The following PRLR variants were observed in gnomAD, a reference collection of about 807,000 sequenced individuals.
PRLR encodes the protein hPRL receptor.
Under a neutral mutation model 40.2 loss-of-function variants are expected in PRLR, and 13 were observed. The ratio of observed to expected loss-of-function variants is 0.32; its 90% CI spans 0.21 to 0.51. The LOEUF (loss-of-function observed/expected upper bound fraction) is 0.51, where lower values mean the gene tolerates loss of function less well. Ranked by LOEUF, PRLR falls within the 20% of genes least tolerant of loss-of-function variation. PRLR has a pLI of 0.97. For missense variants in PRLR, 656 were observed against 747.3 expected (o/e 0.88, Z 1.42); for synonymous variants, 269 against 278.7 (o/e 0.97, Z 0.35).
intron 5 of PRLR, among the ~76,000 whole-genome samples, chr5:35,076,560 G>A (rs553289458): frequency 2.0e-5 from 3 of 152,082 alleles, no homozygotes; most frequent in Non-Finnish European, 4.4e-5. Context: ...AGACCAAATC[G>A]ACATCTGATT....
At chr5:35,185,171 T>C (rs1263691288) in intron 1 of PRLR, among the ~76,000 whole-genome samples, 1 of 152,258 alleles carries the variant, frequency 6.6e-6, no homozygotes, top group Non-Finnish European at 1.5e-5. Context: ...TGATGCTTCG[T>C]CCATACACTG....
At chr5:35,157,609 ACTTC>A (rs1774548368) in intron 1 of PRLR, among the ~76,000 whole-genome samples, 1 of 152,178 alleles carries the variant, frequency 6.6e-6, no homozygotes, top group African/African-American at 2.4e-5. Context: ...TTCATTCAAC[ACTTC>A]CTTCTACTCA....
intron 1 of PRLR, among the ~76,000 whole-genome samples, chr5:35,229,122 T>C (rs1776627040): frequency 6.8e-6 from 1 of 147,728 alleles, no homozygotes; most frequent in Admixed American, 6.8e-5. Context: ...ATATTATATA[T>C]ATTTCTATAA....
chr5:35,081,745 A>G (rs2112444813), intron 5 of PRLR: 1 of 152,564 alleles, frequency 6.6e-6, no homozygotes, highest in South Asian at 2.1e-4. Flanking sequence ...TTACCTTCAA[A>G]TATTATAATG....
chr5:35,153,451 T>C (rs1004972812), intron 1 of PRLR, among the ~76,000 whole-genome samples: 2 of 152,102 alleles, frequency 1.3e-5, no homozygotes, highest in Admixed American at 6.6e-5. Flanking sequence ...TAGACCCTCA[T>C]CCTCAAGGCC....
In PRLR at chr5:35,230,340, G is replaced by C. The variant is rs1293050888; in HGVS notation, c.-178C>G. On this transcript the variant is annotated 5_prime_UTR_variant, in exon 1 of 10. Coordinates refer to ENST00000618457, the MANE Select transcript of PRLR (RefSeq NM_000949.7). ...GCACGAGGACATGAAGCTCCATTGT[G>C]TGGAAAGCTGTTTCGCGAACGGTCG... The C allele has an allele frequency of 1.3e-5, 2 of 152,326 alleles. No individual in the cohort carries two copies. The highest frequency in any genetic ancestry group is 4.8e-5 in the African/African-American group (2 of 41,478). The allele number at this position is 152,326 out of a possible 1,614,324, so 9.4% of individuals were successfully genotyped here.
rs536148611 is a variant in PRLR, at chr5:35,170,589, G to A, written c.-105-52467C>T. On this transcript the variant is annotated intron_variant, in intron 1 of 9. Transcript: ENST00000618457. The stretch of plus-strand genomic sequence containing the variant: ...CTGAGGTGGGAGGATTGTTTGAGCC[G>A]AGAAGTTTGAGGCTGCAGTCAGCTA... Among the ~76,000 whole-genome samples, 214 of 152,282 alleles carry A rather than the reference G, an allele frequency of 1.4e-3. 2 individuals carry two copies. The highest frequency in any genetic ancestry group is 3.3e-3 in the South Asian group (16 of 4,820).
chr5:35,152,530 T>C (rs1207343148), intron 1 of PRLR, among the ~76,000 whole-genome samples: 1 of 152,170 alleles, frequency 6.6e-6, no homozygotes, highest in Non-Finnish European at 1.5e-5. Flanking sequence ...ACAGTAATAG[T>C]GATTAATTAG....
chr5:35,083,967 T>A (rs1279608355), intron 5 of PRLR, among the ~76,000 whole-genome samples: 1 of 151,996 alleles, frequency 6.6e-6, no homozygotes. Flanking sequence ...ACACACACAC[T>A]AATATATATA....
intron 1 of PRLR, among the ~76,000 whole-genome samples, chr5:35,169,384 TATG>T (rs1774934839): frequency 6.6e-6 from 1 of 152,206 alleles, no homozygotes; most frequent in African/African-American, 2.4e-5. Context: ...CAAAATGAAA[TATG>T]ATTAATTTCT....
rs1028755536 is a variant in PRLR, at chr5:35,064,012, G to A, written c.*1077C>T. The A allele has an allele frequency of 1.3e-5, 2 of 152,026 alleles. No individual in the cohort carries two copies. The highest frequency in any genetic ancestry group is 4.8e-5 in the African/African-American group (2 of 41,374). The allele number at this position is 152,026 out of a possible 1,614,324, so 9.4% of individuals were successfully genotyped here. On this transcript the variant is annotated 3_prime_UTR_variant, in exon 10 of 10. Transcript: ENST00000618457. ...CATATTTCACAGTGGGCTTTGGGTT[G>A]GTATGGCATTTTACTCCACAAACGG...
chr5:35,081,402 T>C (rs1481703505), intron 5 of PRLR: 2 of 209,318 alleles, frequency 9.6e-6, no homozygotes, highest in African/African-American at 2.4e-5. Context: ...TGGCCTTCCA[T>C]GTCCCCACCA....
chr5:35,165,866 G>A (rs976528064), intron 1 of PRLR, among the ~76,000 whole-genome samples: 6 of 152,274 alleles, frequency 3.9e-5, no homozygotes, highest in Middle Eastern at 3.4e-3. Context: ...GCTGGTGAAC[G>A]TGGAATTCAC....
chr5:35,143,047 T>C (rs368433246), intron 1 of PRLR, among the ~76,000 whole-genome samples: 9 of 152,238 alleles, frequency 5.9e-5, no homozygotes, highest in African/African-American at 2.2e-4. Context: ...AGAGTTTCTA[T>C]AAATTGTTGA....
intron 1 of PRLR, among the ~76,000 whole-genome samples, chr5:35,176,282 C>T (rs996109385): frequency 2.0e-5 from 3 of 152,198 alleles, no homozygotes; most frequent in Admixed American, 1.3e-4. Context: ...TTCAAAAAAA[C>T]CATCATTAAT....
rs1768830567 is a variant in PRLR, at chr5:35,058,258, GA to G, written c.*6830del. 3 of 152,268 alleles carry G rather than the reference GA, an allele frequency of 2.0e-5. No individual in the cohort carries two copies. In the South Asian group the frequency reaches 6.2e-4, roughly 32 times the overall value. The allele number at this position is 152,268 out of a possible 1,614,324, so 9.4% of individuals were successfully genotyped here. Reference sequence around the variant, plus strand: ...GAAAAGCAGAGGTAGTGGTAGCTTTGAAAATGTGGAACCTTATGCTATTATG... The same window carrying G: ...GAAAAGCAGAGGTAGTGGTAGCTTTGAAATGTGGAACCTTATGCTATTATG... On this transcript the variant is annotated 3_prime_UTR_variant, in exon 10 of 10. Transcript: ENST00000618457.
chr5:35,121,005 C>T (rs2111729884), intron 1 of PRLR, among the ~76,000 whole-genome samples: 1 of 152,268 alleles, frequency 6.6e-6, no homozygotes, highest in Admixed American at 6.5e-5. Context: ...CTGGATCTGG[C>T]CTGCAGGCAT....
rs192480398 is a variant in PRLR, at chr5:35,156,151, A to C, written c.-105-38029T>G. Among the ~76,000 whole-genome samples, 345 of 151,630 alleles carry C rather than the reference A, an allele frequency of 2.3e-3. 1 individual carries two copies. The highest frequency in any genetic ancestry group is 3.6e-3 in the Non-Finnish European group (245 of 67,926). On this transcript the variant is annotated intron_variant, in intron 1 of 9. Transcript: ENST00000618457. ...ATAAAAAAAAAAAACAAAAAAAAAAACAAAACCAACTTTGAATCATCCTTG... is the reference window on the plus strand; with the variant it reads ...ATAAAAAAAAAAAACAAAAAAAAAACCAAAACCAACTTTGAATCATCCTTG...
chr5:35,169,517 T>A (rs1429730865), intron 1 of PRLR, among the ~76,000 whole-genome samples: 2 of 152,198 alleles, frequency 1.3e-5, no homozygotes, highest in Non-Finnish European at 2.9e-5. Context: ...TGGTGGAAAC[T>A]GGATCCCTAC....
Sources: gnomAD v4.1 joint callset for allele counts (sites outside exome capture counted in the v4.1 genomes callset) on GRCh38, gnomAD v4.1.1 for gene constraint, MANE v1.5 for transcripts, NCBI Gene and HGNC (gene_info 2026-07-23, HGNC 2026-07-21) for gene names.